The following AGAP1 variants were observed in gnomAD, a reference collection of about 807,000 sequenced individuals.
AGAP1 encodes the protein ArfGAP with GTPase domain, ankyrin repeat and PH domain 1.
A neutral mutation model predicts 105.3 loss-of-function variants in AGAP1; 29 were observed. The ratio of observed to expected loss-of-function variants is 0.28; its 90% CI spans 0.21 to 0.38. The LOEUF (loss-of-function observed/expected upper bound fraction) is 0.38. AGAP1 is among the 10% of genes least tolerant of loss of function. The pLI, the probability that AGAP1 is intolerant of heterozygous loss-of-function variation, is 1.00. For missense variants in AGAP1, 998 were observed against 1,165.1 expected, an observed-to-expected ratio of 0.86 and a Z score of 2.09; for synonymous variants, 509 against 485.9, an observed-to-expected ratio of 1.05 and a Z score of -0.63.
chr2:236,029,110 G>A (rs1336100360), intron 13 of AGAP1, among the ~76,000 whole-genome samples: 1 of 151,750 alleles, frequency 6.6e-6, no homozygotes. Flanking sequence ...CTACTCTCAC[G>A]TTCTCCAGCA....
rs932947822 is a variant in AGAP1, at chr2:236,090,472, A to G, written c.2115-29720A>G. On this transcript the variant is annotated intron_variant, in intron 16 of 17. Coordinates refer to ENST00000304032, the MANE Select transcript of AGAP1 (RefSeq NM_001037131.3). This position sits in a 1 kb window ranked among gnomAD's most constrained non-coding sequence, Gnocchi z 4.3. ...ATTTTATCTTTTTAAATAATTTCCAAATGTGCCCCAAAGAGACTGTGAAGG... is the reference window on the plus strand; with the variant it reads ...ATTTTATCTTTTTAAATAATTTCCAGATGTGCCCCAAAGAGACTGTGAAGG... 4.6e-5 allele frequency among the ~76,000 whole-genome samples: 7 copies of G among 152,188 alleles called. No homozygotes were observed. The highest frequency in any genetic ancestry group is 1.4e-4 in the African/African-American group (6 of 41,458).
chr2:235,516,289 C>T (rs1205332617), intron 1 of AGAP1, among the ~76,000 whole-genome samples: 1 of 152,112 alleles, frequency 6.6e-6, no homozygotes, highest in Non-Finnish European at 1.5e-5. Flanking sequence ...GCTCCCCAGC[C>T]CCCAGAAATA....
At chr2:236,052,512 G>C (rs1163706724) in intron 16 of AGAP1, among the ~76,000 whole-genome samples, 1 of 152,174 alleles carries the variant, frequency 6.6e-6, no homozygotes, top group African/African-American at 2.4e-5. Context: ...CTTATAATTG[G>C]TTCCAGTTAA....
At chr2:236,091,393 A>G (rs959910439) in intron 16 of AGAP1, among the ~76,000 whole-genome samples, 3 of 152,182 alleles carry the variant, frequency 2.0e-5, no homozygotes, top group African/African-American at 7.2e-5. Flanking sequence ...TGCTCTGGAA[A>G]ACAGTTTTAC....
At chr2:235,708,915 A>C (rs922399672) in intron 1 of AGAP1, among the ~76,000 whole-genome samples, 1 of 152,306 alleles carries the variant, frequency 6.6e-6, no homozygotes, top group South Asian at 2.1e-4. Flanking sequence ...GGAAAAATGG[A>C]AAGTTCGATT....
chr2:235,924,362 T>G (rs902317442), intron 11 of AGAP1, among the ~76,000 whole-genome samples: 1 of 152,162 alleles, frequency 6.6e-6, no homozygotes, highest in African/African-American at 2.4e-5. Context: ...GCCTTGCGTT[T>G]GGGCCACATG....
chr2:235,867,570 T>TGC lies in AGAP1; in HGVS notation c.1051-15774_1051-15773insCG, dbSNP rs1271655604. On this transcript the variant is annotated intron_variant, in intron 9 of 17. Coordinates refer to ENST00000304032, the MANE Select transcript of AGAP1 (RefSeq NM_001037131.3). This position sits in a 1 kb window ranked among gnomAD's most constrained non-coding sequence, Gnocchi z 5.4. ...GTGTGTGTGTGTGTGTGTGTGTGTG[T>TGC]GTGTGCAAGTGAGGGAGGGTGACCC... 3.3e-5 allele frequency among the ~76,000 whole-genome samples: 5 copies of TGC among 150,702 alleles called. No individual in the cohort carries two copies. The highest frequency in any genetic ancestry group is 2.1e-4 in the South Asian group (1 of 4,736).
At chr2:235,686,106 A>AT (rs1949367135) in intron 1 of AGAP1, among the ~76,000 whole-genome samples, 1 of 152,194 alleles carries the variant, frequency 6.6e-6, no homozygotes, top group Admixed American at 6.5e-5. Flanking sequence ...TAGCTTAGTG[A>AT]TTTTGGGGGC....
rs1264175133 is a variant in AGAP1 at position 235,744,945 on chromosome 2, T to C, written c.538+106T>C. ...CTTTAAAGAAGGAAAAATTGCCTAC[T>C]GAACGCTCACTTTTTTGGGAAAAAT... On this transcript the variant is annotated intron_variant, in intron 5 of 17. Coordinates refer to ENST00000304032, the MANE Select transcript of AGAP1 (RefSeq NM_001037131.3). The surrounding 1 kb of genome is among the most constrained non-coding windows in gnomAD (Gnocchi z 5.2). 3 of 1,362,762 alleles carry C rather than the reference T, an allele frequency of 2.2e-6. No individual in the cohort carries two copies. The African/African-American group carries it at 4.4e-5, about 20-fold the overall frequency. 84.4% of individuals were successfully genotyped at this position (1,362,762 alleles called of 1,614,324 possible). A position where few individuals can be genotyped will look rare whatever the true frequency, so the allele number is the denominator to read the frequency against.
chr2:236,066,781 G>C (rs938713897), intron 16 of AGAP1, among the ~76,000 whole-genome samples: 5 of 152,108 alleles, frequency 3.3e-5, no homozygotes, highest in African/African-American at 1.2e-4. Context: ...TATCACCCCA[G>C]GAACTTCCCC....
chr2:235,991,871 T>G (rs1223159742), intron 13 of AGAP1, among the ~76,000 whole-genome samples: 1 of 152,246 alleles, frequency 6.6e-6, no homozygotes, highest in East Asian at 1.9e-4. Flanking sequence ...GATTTTCTCT[T>G]GTAATGTCTT....
At chr2:235,511,304 A>C (rs1044713016) in intron 1 of AGAP1, among the ~76,000 whole-genome samples, 1 of 151,140 alleles carries the variant, frequency 6.6e-6, no homozygotes, top group African/African-American at 2.4e-5. Context: ...AATTATCTAG[A>C]GGTGTGTCTA....
In AGAP1 at chr2:235,934,892, G is replaced by A. The variant is rs1320285713; in HGVS notation, c.1483+3969G>A. On this transcript the variant is annotated intron_variant, in intron 12 of 17. Transcript: ENST00000304032. This position sits in a 1 kb window ranked among gnomAD's most constrained non-coding sequence, Gnocchi z 4.9. Reference sequence around the variant, plus strand: ...CAACATTGGGATTCACTGTTTCTCCGCCCCCCGTCCACCCTAAATTAAGAC... The same window carrying A: ...CAACATTGGGATTCACTGTTTCTCCACCCCCCGTCCACCCTAAATTAAGAC... Among the ~76,000 whole-genome samples, 10 of 151,862 alleles carry A rather than the reference G, an allele frequency of 6.6e-5. No homozygotes were observed. The highest frequency in any genetic ancestry group is 4.2e-4 in the South Asian group (2 of 4,796).
In AGAP1 at chr2:235,633,263, C is replaced by T. The variant is rs113746670; in HGVS notation, c.164-75916C>T. On this transcript the variant is annotated intron_variant, in intron 1 of 17. Coordinates refer to ENST00000304032, the MANE Select transcript of AGAP1 (RefSeq NM_001037131.3). The surrounding 1 kb of genome is among the most constrained non-coding windows in gnomAD (Gnocchi z 4.8). ...TCGTCTGTGTGCCTTGGTTCCATGACTTGGGGGCAGCCAAGTAGAAGTGGA... is the reference window on the plus strand; with the variant it reads ...TCGTCTGTGTGCCTTGGTTCCATGATTTGGGGGCAGCCAAGTAGAAGTGGA... 1.3e-5 allele frequency among the ~76,000 whole-genome samples: 2 copies of T among 152,210 alleles called. No homozygotes were observed. Among genetic ancestry groups the T allele is most frequent in the African/African-American group, 4.8e-5 (2 of 41,538 alleles).
chr2:235,911,842 G>C (rs976890325), intron 11 of AGAP1, among the ~76,000 whole-genome samples: 1 of 152,272 alleles, frequency 6.6e-6, no homozygotes, highest in Admixed American at 6.5e-5. Flanking sequence ...CCACACAGGG[G>C]CCTGGCTGAC....
chr2:235,796,005 T>C (rs1957226867), intron 6 of AGAP1, among the ~76,000 whole-genome samples: 1 of 152,220 alleles, frequency 6.6e-6, no homozygotes, highest in Non-Finnish European at 1.5e-5. Context: ...CAAATGAAAA[T>C]GTCTGCAAAG....
chr2:235,896,323 C>T (rs1463095428), intron 10 of AGAP1, among the ~76,000 whole-genome samples: 4 of 152,232 alleles, frequency 2.6e-5, no homozygotes, highest in African/African-American at 9.6e-5. Flanking sequence ...CATATGTACA[C>T]ACCACATTTT....
At chr2:235,528,296 A>G (rs1451903808) in intron 1 of AGAP1, among the ~76,000 whole-genome samples, 2 of 151,470 alleles carry the variant, frequency 1.3e-5, no homozygotes, top group Admixed American at 6.6e-5. Context: ...GGAGCGCACA[A>G]ATTCTTTCAC....
chr2:236,111,338 C>G lies in AGAP1; in HGVS notation c.2115-8854C>G, dbSNP rs2059632406. Reference sequence around the variant, plus strand: ...TTGAATCCCAACCTGGACAATATGGCAAGACCCCTATCTCTACAAAAAAAA... The same window carrying G: ...TTGAATCCCAACCTGGACAATATGGGAAGACCCCTATCTCTACAAAAAAAA... On this transcript the variant is annotated intron_variant, in intron 16 of 17. Coordinates refer to ENST00000304032, the MANE Select transcript of AGAP1 (RefSeq NM_001037131.3). Among the ~76,000 whole-genome samples, 4 of 151,324 alleles carry G rather than the reference C, an allele frequency of 2.6e-5. No individual in the cohort carries two copies. In the South Asian group the frequency reaches 8.3e-4, roughly 31 times the overall value.
Sources: allele counts gnomAD v4.1 joint callset (sites outside exome capture counted in the v4.1 genomes callset), GRCh38; gene constraint gnomAD v4.1.1; non-coding constraint Gnocchi (gnomAD v3.1); transcripts MANE v1.5; gene names NCBI Gene and HGNC (gene_info 2026-07-23, HGNC 2026-07-21).